The following NBPF9 variants were observed in gnomAD, a reference collection of about 807,000 sequenced individuals.
NBPF9 encodes the protein NBPF family member NBPF9.
A neutral mutation model predicts 97.8 loss-of-function variants in NBPF9; 91 were observed. The ratio of observed to expected loss-of-function variants is 0.93; its 90% CI spans 0.79 to 1.11. NBPF9 has a LOEUF of 1.11. Among genes scored for constraint, NBPF9 ranks in the 50% least tolerant of loss-of-function variants. The probability of loss-of-function intolerance (pLI) is 0.00; values close to 1 mark genes in which losing one functional copy is unlikely to be tolerated. For missense variants in NBPF9, 992 were observed against 939.5 expected, an observed-to-expected ratio of 1.06 and a Z score of -0.73; for synonymous variants, 334 against 359.5, an observed-to-expected ratio of 0.93 and a Z score of 0.80.
chr1:149,062,760 C>T (rs1468056492), intron 21 of NBPF9, 102 bp downstream of exon 21: 3 of 775,074 alleles, frequency 3.9e-6, no homozygotes, highest in Admixed American at 1.7e-5. Context: ...AGTAATTCAA[C>T]CTCCGTTGAA....
In NBPF9 at chr1:149,087,334, C is replaced by T. The variant is rs1312803237; in HGVS notation, c.-195+3419G>A. 2.2e-3 allele frequency among the ~76,000 whole-genome samples: 318 copies of T among 144,466 alleles called. 2 individuals are homozygous for T. Among genetic ancestry groups the T allele is most frequent in the Middle Eastern group, 3.6e-3 (1 of 274 alleles). 94.8% of individuals were successfully genotyped at this position (144,466 alleles called of 152,430 possible). A position where few individuals can be genotyped will look rare whatever the true frequency, so the allele number is the denominator to read the frequency against. On this transcript the variant is annotated intron_variant, in intron 5 of 29. Transcript: ENST00000584027. Reference sequence around the variant, plus strand: ...AAAACGGTGAATATATATATATATACACACACACACACACACGTTTGTGTG... The same window carrying T: ...AAAACGGTGAATATATATATATATATACACACACACACACACGTTTGTGTG...
intron 3 of NBPF9, among the ~76,000 whole-genome samples, chr1:149,100,137 G>A (rs78724270): frequency 2.2e-5 from 3 of 139,174 alleles, no homozygotes; most frequent in Non-Finnish European, 4.6e-5. Flanking sequence ...TAAGAACAAT[G>A]AAGTATAAAA....
intron 5 of NBPF9, among the ~76,000 whole-genome samples, chr1:149,087,735 T>A (rs1222484987): frequency 1.3e-5 from 2 of 151,352 alleles, no homozygotes; most frequent in Non-Finnish European, 2.9e-5. Flanking sequence ...TGACAAGGTT[T>A]ATCTCCCCAC....
At chr1:149,062,519 A>G (rs1396888731) in intron 21 of NBPF9, among the ~76,000 whole-genome samples, 1 of 144,174 alleles carries the variant, frequency 6.9e-6, no homozygotes, top group Non-Finnish European at 1.5e-5. Context: ...TGACACACTG[A>G]TGAAGGGGTC....
chr1:149,077,866 T>G lies in NBPF9; in HGVS notation c.566+17A>C. 4 of 1,581,450 alleles carry G rather than the reference T, an allele frequency of 2.5e-6. No individual in the cohort carries two copies. The highest frequency in any genetic ancestry group is 2.6e-6 in the Non-Finnish European group (3 of 1,152,272). On this transcript the variant is annotated intron_variant, in intron 10 of 29. Transcript: ENST00000584027. ...TATGTTACCACCCATTACTTGCTCC[T>G]GAGTATTCAGTGTTACCTGGGGGCA...
intron 5 of NBPF9, among the ~76,000 whole-genome samples, chr1:149,082,952 C>CTTTTTTTTTTT (rs1175496893): frequency 3.3e-5 from 2 of 61,004 alleles, no homozygotes; most frequent in Admixed American, 1.9e-4. Context: ...GCTAATTTTT[C>CTTTTTTTTTTT]TTTTCTTTTT....
exon 7 of NBPF9, chr1:149,082,054 G>T: frequency 6.2e-7 from 1 of 1,610,906 alleles, no homozygotes. Context: ...TTTGTTCTCT[G>T]CCAACTGGGG....
intron 15 of NBPF9, 130 bp downstream of exon 15, chr1:149,071,474 G>T (rs1290778858): frequency 5.7e-6 from 7 of 1,236,652 alleles, no homozygotes; most frequent in Non-Finnish European, 8.2e-6. Context: ...TCTAAGCTGG[G>T]TTCAATTTCA....
In NBPF9 at chr1:149,077,959, G is replaced by A. The variant is rs1186056450; in HGVS notation, c.494-4C>T. ...TCATCCTCATCTTCGTCATTTTCTA[G>A]AAATACAAAATGTTCATTCAGATAT... On this transcript the variant is annotated splice_region_variant and splice_polypyrimidine_tract_variant and intron_variant, in intron 9 of 29. Coordinates refer to ENST00000584027, the Ensembl canonical transcript of NBPF9. The A allele has an allele frequency of 7.2e-6, 11 of 1,531,056 alleles. No homozygotes were observed. In the Admixed American group the frequency reaches 1.0e-4, roughly 14 times the overall value. 94.8% of individuals were successfully genotyped at this position (1,531,056 alleles called of 1,614,324 possible).
At position 149,081,240 on chromosome 1, in the gene NBPF9, C is replaced by T. The variant is rs1362186371; in HGVS notation, c.175+725G>A. Reference sequence around the variant, plus strand: ...GTTCAAAGGATTCTTCTGCCTCAGCCTCCCGATTAGTGGTGATTACAGTTG... The same window carrying T: ...GTTCAAAGGATTCTTCTGCCTCAGCTTCCCGATTAGTGGTGATTACAGTTG... On this transcript the variant is annotated intron_variant, in intron 7 of 29. Coordinates refer to ENST00000584027, the Ensembl canonical transcript of NBPF9. 3.1e-4 allele frequency among the ~76,000 whole-genome samples: 47 copies of T among 151,744 alleles called. No individual in the cohort carries two copies. The East Asian group carries it at 7.2e-3, about 23-fold the overall frequency.
At chr1:149,082,136 C>A in exon 7 of NBPF9, 1 of 1,611,966 alleles carries the variant, frequency 6.2e-7, no homozygotes, top group Non-Finnish European at 8.5e-7. Context: ...GCTGATACCA[C>A]CATGCTGACG....
chr1:149,056,080 A>T (rs2078213527), intron 29 of NBPF9, among the ~76,000 whole-genome samples, 181 bp from the exon 30 acceptor site: 1 of 151,582 alleles, frequency 6.6e-6, no homozygotes, highest in Admixed American at 6.6e-5. Context: ...GGTAGAAAAC[A>T]ATGAAAGAGA....
intron 5 of NBPF9, among the ~76,000 whole-genome samples, chr1:149,085,771 A>G (rs1262717447): frequency 6.6e-6 from 1 of 151,548 alleles, no homozygotes; most frequent in African/African-American, 2.4e-5. Context: ...TTATAAAGGC[A>G]TAATTTCGGT....
intron 15 of NBPF9, 146 bp downstream of exon 15, chr1:149,071,458 C>A (rs2079403566): frequency 1.8e-6 from 2 of 1,092,838 alleles, no homozygotes; most frequent in African/African-American, 1.6e-5. Context: ...GCTGCCGCAC[C>A]CTGTGTCTAA....
intron 5 of NBPF9, among the ~76,000 whole-genome samples, chr1:149,084,735 G>A (rs2080850791): frequency 6.6e-6 from 1 of 151,284 alleles, no homozygotes; most frequent in Admixed American, 6.6e-5. Flanking sequence ...CGCCAGCTGA[G>A]GTTGGTGTCC....
chr1:149,097,795 A>C (rs2081886186), intron 4 of NBPF9, among the ~76,000 whole-genome samples: 1 of 152,170 alleles, frequency 6.6e-6, no homozygotes, highest in South Asian at 2.1e-4. Flanking sequence ...CAGTGAAAGA[A>C]GGCGTCCACC....
chr1:149,084,101 A>C (rs1322886987), intron 5 of NBPF9, among the ~76,000 whole-genome samples: 1 of 151,280 alleles, frequency 6.6e-6, no homozygotes, highest in East Asian at 1.9e-4. Flanking sequence ...GAAATGAACA[A>C]TGAGAACACT....
chr1:149,078,919 T>G, intron 9 of NBPF9, 88 bp downstream of exon 9: 2 of 1,573,872 alleles, frequency 1.3e-6, no homozygotes, highest in Non-Finnish European at 1.7e-6. Flanking sequence ...AAAACCCCAC[T>G]GATACAACTG....
chr1:149,077,217 T>C (rs1553248083), exon 11 of NBPF9: 1 of 1,523,692 alleles, frequency 6.6e-7, no homozygotes, highest in Non-Finnish European at 9.1e-7. Flanking sequence ...CCTGGGAGAA[T>C]GTTTAGAGCA....
Sources: allele counts gnomAD v4.1 joint callset (sites outside exome capture counted in the v4.1 genomes callset), GRCh38; gene constraint gnomAD v4.1.1; transcripts MANE v1.5; gene names NCBI Gene and HGNC (gene_info 2026-07-23, HGNC 2026-07-21).